CSNK1G1: variants seen among roughly 807,000 people sequenced by gnomAD.
CSNK1G1 encodes the protein casein kinase 1 gamma 1, also known as casein kinase I isoform gamma-1.
CSNK1G1 carries 22 observed loss-of-function variants against 59.6 expected under a neutral mutation model. The observed-to-expected ratio is 0.37, with a 90% CI of 0.26 to 0.53. The LOEUF is 0.53. Ranked by LOEUF, CSNK1G1 falls within the 20% of genes least tolerant of loss-of-function variation. The pLI is 0.89. For missense variants in CSNK1G1, 384 were observed against 519.5 expected (o/e 0.74, Z 2.54); for synonymous variants, 179 against 177.1 (o/e 1.01, Z -0.08).
At chr15:64,226,548 C>T (rs2082464524) in intron 4 of CSNK1G1, among the ~76,000 whole-genome samples, 1 of 142,680 alleles carries the variant, frequency 7.0e-6, no homozygotes, top group South Asian at 2.2e-4. Flanking sequence ...GAGCAAGATT[C>T]CGTCTCAAAA....
intron 4 of CSNK1G1, among the ~76,000 whole-genome samples, chr15:64,229,624 G>T (rs2082515616): frequency 6.6e-6 from 1 of 152,034 alleles, no homozygotes; most frequent in Non-Finnish European, 1.5e-5. Flanking sequence ...GCCTATTTGA[G>T]AATGAAGCTA....
At chr15:64,299,586 C>T (rs2140401348) in intron 2 of CSNK1G1, among the ~76,000 whole-genome samples, 1 of 149,168 alleles carries the variant, frequency 6.7e-6, no homozygotes, top group South Asian at 2.1e-4. Context: ...AGTAAGACTC[C>T]ATCTCAAAAA....
chr15:64,283,365 C>A (rs1322145124), intron 2 of CSNK1G1, among the ~76,000 whole-genome samples: 4 of 150,422 alleles, frequency 2.7e-5, no homozygotes, highest in Non-Finnish European at 5.9e-5. Flanking sequence ...CTTTTTGAGA[C>A]GGAGCCTCAC....
chr15:64,352,447 C>CTTTTTTTTTGTTT (rs1898353712), intron 1 of CSNK1G1, among the ~76,000 whole-genome samples: 1 of 89,412 alleles, frequency 1.1e-5, no homozygotes, highest in African/African-American at 4.4e-5. Context: ...TTGAATTCTT[C>CTTTTTTTTTGTTT]TTTTTTTTTT....
At chr15:64,284,408 G>A (rs1894299729) in intron 2 of CSNK1G1, among the ~76,000 whole-genome samples, 1 of 152,118 alleles carries the variant, frequency 6.6e-6, no homozygotes, top group Admixed American at 6.6e-5. Flanking sequence ...AACTTGGGGA[G>A]TGCTGCCATC....
chr15:64,181,377 T>G, intron 10 of CSNK1G1: 1 of 1,535,778 alleles, frequency 6.5e-7, no homozygotes, highest in East Asian at 2.4e-5. Context: ...TGCTGGGAAG[T>G]GGGAAAAGGG....
chr15:64,297,894 T>C (rs896596269), intron 2 of CSNK1G1, among the ~76,000 whole-genome samples: 2 of 152,126 alleles, frequency 1.3e-5, no homozygotes, highest in South Asian at 2.1e-4. Flanking sequence ...AATGACGGAA[T>C]GGGGTATGCA....
At chr15:64,278,572 G>A (rs998713091) in intron 2 of CSNK1G1, among the ~76,000 whole-genome samples, 1 of 151,862 alleles carries the variant, frequency 6.6e-6, no homozygotes, top group Non-Finnish European at 1.5e-5. Flanking sequence ...AGGACTACAG[G>A]CACAGGCCAC....
chr15:64,333,210 T>C (rs1187806483), intron 1 of CSNK1G1, among the ~76,000 whole-genome samples: 1 of 139,214 alleles, frequency 7.2e-6, no homozygotes, highest in African/African-American at 2.7e-5. Flanking sequence ...TCAGCCCAGA[T>C]TGCGCCATTG....
chr15:64,326,383 C>T (rs1377675838), intron 1 of CSNK1G1, among the ~76,000 whole-genome samples: 1 of 152,128 alleles, frequency 6.6e-6, no homozygotes. Context: ...GTGCTTCACA[C>T]CTGTAATCCC....
At chr15:64,239,707 TGA>T (rs1302835609) in intron 4 of CSNK1G1, among the ~76,000 whole-genome samples, 9 of 152,076 alleles carry the variant, frequency 5.9e-5, no homozygotes, top group Admixed American at 5.9e-4. Context: ...GGAAACTTAA[TGA>T]GATACCAGAA....
At chr15:64,293,739 A>G (rs1233995805) in intron 2 of CSNK1G1, among the ~76,000 whole-genome samples, 1 of 152,178 alleles carries the variant, frequency 6.6e-6, no homozygotes. Context: ...CTGAAAGATC[A>G]GTGGCAGCAT....
intron 10 of CSNK1G1, among the ~76,000 whole-genome samples, chr15:64,202,706 C>A (rs1180389402): frequency 6.6e-6 from 1 of 152,148 alleles, no homozygotes; most frequent in Non-Finnish European, 1.5e-5. Flanking sequence ...GCACGTGCCA[C>A]CATGCCCAAC....
intron 2 of CSNK1G1, among the ~76,000 whole-genome samples, chr15:64,260,642 G>A (rs764208999): frequency 6.6e-6 from 1 of 152,076 alleles, no homozygotes; most frequent in East Asian, 1.9e-4. Flanking sequence ...GGAGGCTGAG[G>A]TGGGAAAATC....
chr15:64,245,275 C>T (rs1045090725), intron 4 of CSNK1G1, among the ~76,000 whole-genome samples: 1 of 152,080 alleles, frequency 6.6e-6, no homozygotes, highest in African/African-American at 2.4e-5. Flanking sequence ...TAAGAAGCTC[C>T]TGCACAGCAA....
At chr15:64,184,505 C>T (rs1025281116) in intron 10 of CSNK1G1, among the ~76,000 whole-genome samples, 2 of 151,096 alleles carry the variant, frequency 1.3e-5, no homozygotes, top group African/African-American at 2.4e-5. Flanking sequence ...GGTGAAACCC[C>T]GTCTCTATTA....
At chr15:64,341,391 G>A (rs1229900337) in intron 1 of CSNK1G1, among the ~76,000 whole-genome samples, 2 of 152,182 alleles carry the variant, frequency 1.3e-5, no homozygotes, top group Non-Finnish European at 2.9e-5. Flanking sequence ...ACCCGCCTTG[G>A]CCTCCCAAAG....
rs2081598057 is a variant in CSNK1G1 at position 64,165,965 on chromosome 15, T to C, written c.*5966A>G. 2 of 653,626 alleles carry C rather than the reference T, an allele frequency of 3.1e-6. No individual in the cohort carries two copies. Among genetic ancestry groups the C allele is most frequent in the Non-Finnish European group, 5.4e-6 (2 of 367,728 alleles). 40.5% of individuals were successfully genotyped at this position (653,626 alleles called of 1,614,324 possible). On this transcript the variant is annotated 3_prime_UTR_variant, in exon 12 of 12. Transcript: ENST00000303052. ...CCTAATGGTGCACAAATATCTCTCCTGGAGGAACCATTTCAAATACACTTG... is the reference window on the plus strand; with the variant it reads ...CCTAATGGTGCACAAATATCTCTCCCGGAGGAACCATTTCAAATACACTTG...
chr15:64,279,141 TTACA>T (rs1379722791), intron 2 of CSNK1G1, among the ~76,000 whole-genome samples: 1 of 152,242 alleles, frequency 6.6e-6, no homozygotes, highest in Non-Finnish European at 1.5e-5. Context: ...GAGGTATAAC[TTACA>T]TGCAGTAAAG....
Sources: allele counts gnomAD v4.1 joint callset (sites outside exome capture counted in the v4.1 genomes callset), GRCh38; gene constraint gnomAD v4.1.1; transcripts MANE v1.5; gene names NCBI Gene and HGNC (gene_info 2026-07-23, HGNC 2026-07-21).